DNAJC10: variants seen among roughly 807,000 people sequenced by gnomAD.
DNAJC10 encodes the protein endoplasmic reticulum disulfide reductase DNAJC10.
In DNAJC10, 101 loss-of-function variants were observed where a neutral mutation model predicts 115.0. The ratio of observed to expected loss-of-function variants is 0.88; its 90% CI spans 0.75 to 1.04. DNAJC10 has a LOEUF of 1.04. Among genes scored for constraint, DNAJC10 ranks in the 50% least tolerant of loss-of-function variants. DNAJC10 has a pLI of 0.00. For missense variants in DNAJC10, 981 were observed against 928.8 expected, an observed-to-expected ratio of 1.06 and a Z score of -0.73; for synonymous variants, 307 against 301.5, an observed-to-expected ratio of 1.02 and a Z score of -0.19.
chr2:182,767,850 C>A (rs1694454503), intron 22 of DNAJC10, among the ~76,000 whole-genome samples: 1 of 152,120 alleles, frequency 6.6e-6, no homozygotes, highest in South Asian at 2.1e-4. Flanking sequence ...CTGTTTTCAG[C>A]ATTCCTTATC....
intron 16 of DNAJC10, among the ~76,000 whole-genome samples, chr2:182,753,337 A>C (rs1351873344): frequency 1.3e-5 from 2 of 152,138 alleles, no homozygotes; most frequent in Non-Finnish European, 2.9e-5. Context: ...AAGGGAAAAA[A>C]GAAATGGGAA....
intron 5 of DNAJC10, among the ~76,000 whole-genome samples, chr2:182,726,784 T>A (rs1693295781): frequency 6.6e-6 from 1 of 152,106 alleles, no homozygotes; most frequent in Non-Finnish European, 1.5e-5. Flanking sequence ...ACCTGGAGAG[T>A]GCAGCAGCAG....
intron 14 of DNAJC10, among the ~76,000 whole-genome samples, chr2:182,744,505 G>A (rs1693814156): frequency 6.6e-6 from 1 of 152,152 alleles, no homozygotes; most frequent in Non-Finnish European, 1.5e-5. Context: ...AGGTCAAGAA[G>A]TGGTATTTGA....
rs1218196185 is a variant in DNAJC10, at chr2:182,789,262, C to T, written c.*12130C>T. ...TTTGAGACGGAGTCTTACTCTGTCC[C>T]CCTGGCTGGAGTGCAGTGGTGTGAT... On this transcript the variant is annotated 3_prime_UTR_variant, in exon 24 of 24. Transcript: ENST00000264065. 1 of 157,710 alleles carries T rather than the reference C, an allele frequency of 6.3e-6. No homozygotes were observed. Among genetic ancestry groups the T allele is most frequent in the Non-Finnish European group, 1.4e-5 (1 of 72,182 alleles). 9.8% of individuals were successfully genotyped at this position (157,710 alleles called of 1,614,324 possible). A position where few individuals can be genotyped will look rare whatever the true frequency, so the allele number is the denominator to read the frequency against.
chr2:182,767,767 AG>A (rs1201499835), intron 22 of DNAJC10, among the ~76,000 whole-genome samples: 1 of 152,140 alleles, frequency 6.6e-6, no homozygotes, highest in East Asian at 1.9e-4. Flanking sequence ...GATATCCACT[AG>A]ATGGCTTTTT....
intron 13 of DNAJC10, among the ~76,000 whole-genome samples, chr2:182,742,791 C>T (rs1225051522): frequency 1.3e-5 from 2 of 151,818 alleles, no homozygotes; most frequent in South Asian, 2.1e-4. Context: ...CTCTTTATAT[C>T]TGTGGCCCAT....
Position 182,780,768 on chromosome 2 carries a change from C to T in DNAJC10, c.*3636C>T, listed in dbSNP as rs891705198. 3 of 152,114 alleles carry T rather than the reference C, an allele frequency of 2.0e-5. No individual in the cohort carries two copies. Among genetic ancestry groups the T allele is most frequent in the African/African-American group, 4.8e-5 (2 of 41,424 alleles). 9.4% of individuals were successfully genotyped at this position (152,114 alleles called of 1,614,324 possible). On this transcript the variant is annotated 3_prime_UTR_variant, in exon 24 of 24. Coordinates refer to ENST00000264065, the MANE Select transcript of DNAJC10 (RefSeq NM_018981.4). ...GCTAGGTATATTTTGTGAATGGAAA[C>T]TAGCCAAAAATACAGCCAAAGTCTC...
chr2:182,741,064 T>G (rs1310014191), intron 12 of DNAJC10, among the ~76,000 whole-genome samples, 179 bp from the exon 13 acceptor site: 2 of 152,186 alleles, frequency 1.3e-5, no homozygotes, highest in Non-Finnish European at 2.9e-5. Context: ...TATTTGTTGA[T>G]TTTACATAGC....
chr2:182,766,406 G>A (rs972388808), intron 22 of DNAJC10, among the ~76,000 whole-genome samples: 2 of 152,090 alleles, frequency 1.3e-5, no homozygotes, highest in Non-Finnish European at 2.9e-5. Flanking sequence ...AGCTAGTAGG[G>A]GTTCATTAGT....
chr2:182,733,041 G>A (rs1693491666), intron 10 of DNAJC10, among the ~76,000 whole-genome samples: 1 of 151,824 alleles, frequency 6.6e-6, no homozygotes, highest in South Asian at 2.1e-4. Flanking sequence ...TATGTTAGGT[G>A]TAATATATGT....
chr2:182,745,559 G>T (rs1476293213), intron 14 of DNAJC10, among the ~76,000 whole-genome samples: 1 of 152,084 alleles, frequency 6.6e-6, no homozygotes, highest in Non-Finnish European at 1.5e-5. Context: ...GATTAAAATA[G>T]TTATTGAGCA....
intron 9 of DNAJC10, 127 bp from the exon 10 acceptor site, chr2:182,732,350 GTGTAGAAGGATTTCCATATCTA>G: frequency 2.7e-6 from 2 of 731,248 alleles, no homozygotes; most frequent in Non-Finnish European, 2.5e-6. Flanking sequence ...ATGTGTGTGT[GTGTAGAAGGATTTCCATATCTA>G]TCAATAGAGT....
Position 182,790,540 on chromosome 2 carries a change from C to G in DNAJC10, c.*13408C>G, listed in dbSNP as rs111438869. On this transcript the variant is annotated 3_prime_UTR_variant, in exon 24 of 24. Coordinates refer to ENST00000264065, the MANE Select transcript of DNAJC10 (RefSeq NM_018981.4). ...GTGGCTCACACCTGAAATCCCAGCG[C>G]TTTGGGAGGCCGAGGCGGGTGGATC... The G allele has an allele frequency of 8.1e-3, 1,227 of 152,184 alleles. 6 individuals carry two copies. Among genetic ancestry groups the G allele is most frequent in the South Asian group, 0.032 (154 of 4,816 alleles). 9.4% of individuals were successfully genotyped at this position (152,184 alleles called of 1,614,324 possible).
In DNAJC10 at chr2:182,786,069, T is replaced by G. The variant is rs531890435; in HGVS notation, c.*8937T>G. On this transcript the variant is annotated 3_prime_UTR_variant, in exon 24 of 24. Transcript: ENST00000264065. ...AAGCTGATAAGGGATAGATATGGGT[T>G]GATTATATATTTGTTTTGCTGGAAA... The G allele has an allele frequency of 7.2e-5, 11 of 152,292 alleles. No individual in the cohort carries two copies. Among genetic ancestry groups the G allele is most frequent in the African/African-American group, 2.6e-4 (11 of 41,568 alleles). 9.4% of individuals were successfully genotyped at this position (152,292 alleles called of 1,614,324 possible).
At chr2:182,763,838 G>A (rs1694346661) in intron 22 of DNAJC10, among the ~76,000 whole-genome samples, 1 of 152,118 alleles carries the variant, frequency 6.6e-6, no homozygotes, top group Admixed American at 6.6e-5. Flanking sequence ...TACGTTGGGT[G>A]GCAGCACAGA....
chr2:182,769,655 C>T (rs1021017269), intron 22 of DNAJC10, among the ~76,000 whole-genome samples: 6 of 151,962 alleles, frequency 3.9e-5, no homozygotes, highest in Admixed American at 3.9e-4. Context: ...TATCCTTTGC[C>T]CACTTTTTGA....
At chr2:182,730,694 T>A (rs1356776594) in intron 8 of DNAJC10, among the ~76,000 whole-genome samples, 1 of 152,130 alleles carries the variant, frequency 6.6e-6, no homozygotes, top group African/African-American at 2.4e-5. Flanking sequence ...ACTTCATGAA[T>A]CTGACAAAAA....
At position 182,786,833 on chromosome 2, in the gene DNAJC10, C is replaced by A. The variant is rs1559035328; in HGVS notation, c.*9701C>A. ...CTCTCCCTAAAATTATGTTGAAATC[C>A]TAACCCCCAAGGTAATGGTATTAGG... On this transcript the variant is annotated 3_prime_UTR_variant, in exon 24 of 24. Coordinates refer to ENST00000264065, the MANE Select transcript of DNAJC10 (RefSeq NM_018981.4). The A allele has an allele frequency of 1.3e-5, 2 of 152,212 alleles. No individual in the cohort carries two copies. Among genetic ancestry groups the A allele is most frequent in the South Asian group, 4.1e-4 (2 of 4,826 alleles). 9.4% of individuals were successfully genotyped at this position (152,212 alleles called of 1,614,324 possible). A position where few individuals can be genotyped will look rare whatever the true frequency, so the allele number is the denominator to read the frequency against.
intron 5 of DNAJC10, among the ~76,000 whole-genome samples, chr2:182,727,136 C>A (rs1693308194): frequency 6.6e-6 from 1 of 151,714 alleles, no homozygotes; most frequent in Non-Finnish European, 1.5e-5. Flanking sequence ...ACTGGAAAAC[C>A]AGAAAATTTG....
Sources: gnomAD v4.1 joint callset for allele counts (sites outside exome capture counted in the v4.1 genomes callset) on GRCh38, gnomAD v4.1.1 for gene constraint, MANE v1.5 for transcripts, NCBI Gene and HGNC (gene_info 2026-07-23, HGNC 2026-07-21) for gene names.